Variants in PCDH17 observed in about 807,000 individuals in gnomAD.
PCDH17 encodes protocadherin 17.
A neutral mutation model predicts 67.7 loss-of-function variants in PCDH17; 21 were observed. The ratio of observed to expected loss-of-function variants is 0.31; its 90% CI spans 0.22 to 0.45. The LOEUF (loss-of-function observed/expected upper bound fraction) is 0.45, where lower values mean the gene tolerates loss of function less well. Ranked by LOEUF, PCDH17 falls within the 20% of genes least tolerant of loss-of-function variation. The pLI is 1.00. For synonymous variants in PCDH17, 701 were observed against 656.7 expected, an observed-to-expected ratio of 1.07 and a Z score of -1.03; for missense variants, 1,471 against 1,564.8, an observed-to-expected ratio of 0.94 and a Z score of 1.01.
intron 1 of PCDH17, among the ~76,000 whole-genome samples, chr13:57,643,891 C>G (rs1049185198): frequency 2.6e-5 from 4 of 151,592 alleles, no homozygotes; most frequent in Non-Finnish European, 5.9e-5. Flanking sequence ...AAATTCCTGA[C>G]TTAAAGAAGT....
At chr13:57,666,231 T>C (rs1276103103) in intron 1 of PCDH17, among the ~76,000 whole-genome samples, 1 of 152,208 alleles carries the variant, frequency 6.6e-6, no homozygotes, top group Non-Finnish European at 1.5e-5. Flanking sequence ...TAAAAGAGAA[T>C]GCCAGTTATG....
Position 57,633,392 on chromosome 13 carries a change from C to G in PCDH17, c.846C>G (p.Phe282Leu). 5.6e-6 allele frequency: 9 copies of G among 1,613,364 alleles called. No homozygotes were observed. Among genetic ancestry groups the G allele is most frequent in the Middle Eastern group, 1.6e-4 (1 of 6,062 alleles). Residue 282 changes from phenylalanine (F) to leucine (L), a missense_variant, in exon 1 of 4, where the codon TTC becomes TTG. Coordinates refer to ENST00000377918, the MANE Select transcript of PCDH17 (RefSeq NM_001040429.3). The surrounding 1 kb of genome is among the most constrained non-coding windows in gnomAD (Gnocchi z 6.2). ...CCAATGGTGAAGTGCTCTACTCTTT[C>G]AGCAGCTACGTGCCTGACCGCGTGC... ...EGPNGEVLYSFSSYVPDRVRE... is the reference protein window; with the variant it reads ...EGPNGEVLYSLSSYVPDRVRE...
rs532447627 is a variant in PCDH17 at position 57,652,624 on chromosome 13, A to G, written c.2566-13844A>G. On this transcript the variant is annotated intron_variant, in intron 1 of 3. Coordinates refer to ENST00000377918, the MANE Select transcript of PCDH17 (RefSeq NM_001040429.3). ...AAATGAAGAGAAGTTTCTACAAAAG[A>G]ACTGTTGTAGGATAGTGAATATTAG... Among the ~76,000 whole-genome samples the G allele has an allele frequency of 5.3e-5, 8 of 152,324 alleles. No homozygotes were observed. In the South Asian group the frequency reaches 1.2e-3, roughly 24 times the overall value.
At chr13:57,699,349 A>G (rs1301888218) in intron 3 of PCDH17, among the ~76,000 whole-genome samples, 2 of 152,066 alleles carry the variant, frequency 1.3e-5, no homozygotes, top group Non-Finnish European at 2.9e-5. Flanking sequence ...CTAAGAAACT[A>G]TTCTCCCAGC....
chr13:57,640,331 T>C (rs1954875481), intron 1 of PCDH17, among the ~76,000 whole-genome samples: 2 of 152,026 alleles, frequency 1.3e-5, no homozygotes, highest in African/African-American at 4.8e-5. Context: ...CAGTGAAATT[T>C]GGCTATGCCT....
chr13:57,698,176 A>T (rs1222572444), intron 3 of PCDH17, among the ~76,000 whole-genome samples: 2 of 151,522 alleles, frequency 1.3e-5, no homozygotes, highest in South Asian at 4.1e-4. Context: ...GATTAAATTG[A>T]TTCATTTATA....
intron 3 of PCDH17, among the ~76,000 whole-genome samples, chr13:57,688,098 T>A (rs538128686): frequency 3.9e-5 from 6 of 152,080 alleles, no homozygotes; most frequent in African/African-American, 1.2e-4. Flanking sequence ...CCATTTTTTT[T>A]AAAACCTTTA....
rs1191547428 is a variant in PCDH17 at position 57,634,334 on chromosome 13, G to C, written c.1788G>C (p.Gln596His). The C allele has an allele frequency of 1.2e-6, 2 of 1,612,754 alleles. No individual in the cohort carries two copies. Among genetic ancestry groups the C allele is most frequent in the African/African-American group, 2.7e-5 (2 of 74,940 alleles). ...TGCAGAACGACACCGCGGAGCTGCA[G>C]GTGCCGCGCAACGCTGGCCTGGGCT... ...PTLQNDTAEL[Q>H]VPRNAGLGYL... Residue 596 changes from glutamine to histidine, a missense_variant, in exon 1 of 4, where the codon CAG becomes CAC. Transcript: ENST00000377918. This position sits in a 1 kb window ranked among gnomAD's most constrained non-coding sequence, Gnocchi z 7.8.
chr13:57,634,920 G>T lies in PCDH17; in HGVS notation c.2374G>T (p.Ala792Ser), dbSNP rs759243622. ...GAACGTGGTGAGCAGCCCCTCCCTG[G>T]CCACCTCCCCCATGTACTTCGACTA... ...VMNVVSSPSL[A>S]TSPMYFDYQT... The change falls in exon 1 of 4, where the codon GCC becomes TCC. Residue 792 changes from alanine (A) to serine (S), a missense_variant. Around this residue, in one of 3 missense-constraint regions of PCDH17, gnomAD observed 1,163 missense variants for 1,230.0 expected, o/e 0.95. Coordinates refer to ENST00000377918, the MANE Select transcript of PCDH17 (RefSeq NM_001040429.3). This position sits in a 1 kb window ranked among gnomAD's most constrained non-coding sequence, Gnocchi z 7.8. 32 of 1,613,624 alleles carry T rather than the reference G, an allele frequency of 2.0e-5. No homozygotes were observed. In the East Asian group the frequency reaches 7.1e-4, roughly 36 times the overall value.
Position 57,725,047 on chromosome 13 carries a change from A to G in PCDH17, c.3233A>G (p.Tyr1078Cys). 1 of 1,613,966 alleles carries G rather than the reference A, an allele frequency of 6.2e-7. No homozygotes were observed. The highest frequency in any genetic ancestry group is 1.1e-5 in the South Asian group (1 of 91,082). The change falls in exon 4 of 4, where the codon TAT (tyrosine) becomes TGT (cysteine). Residue 1078 changes from tyrosine to cysteine, a missense_variant. Physicochemically the swap from Tyr to Cys is radical, Grantham distance 194. Transcript: ENST00000377918. ...CAGTACTTGCCCACTGACAGTCAAT[A>G]TCTGTCACCTAGTAAGCAACCAAGA... ...SSQYLPTDSQ[Y>C]LSPSKQPRDP... is the part of the protein sequence containing the mutation.
chr13:57,720,023 T>C (rs1955859600), intron 3 of PCDH17, among the ~76,000 whole-genome samples: 1 of 152,042 alleles, frequency 6.6e-6, no homozygotes, highest in Admixed American at 6.6e-5. Context: ...TGGGAGACTA[T>C]TAAAACCCAA....
upstream of PCDH17, among the ~76,000 whole-genome samples, chr13:57,630,281 T>C (rs552335872): frequency 2.0e-5 from 3 of 151,996 alleles, no homozygotes; most frequent in South Asian, 4.2e-4. Context: ...TCCGCATATC[T>C]TTCTCAGACT....
intron 3 of PCDH17, among the ~76,000 whole-genome samples, chr13:57,691,956 G>A (rs1955563298): frequency 2.0e-5 from 3 of 151,034 alleles, no homozygotes; most frequent in Non-Finnish European, 4.5e-5. Context: ...AATTATACTA[G>A]AGCTTATTAA....
Position 57,727,977 on chromosome 13 carries a change from G to A in PCDH17, c.*2683G>A, listed in dbSNP as rs4379958. On this transcript the variant is annotated 3_prime_UTR_variant, in exon 4 of 4. Transcript: ENST00000377918. ...TCTGAGGACATTAAAACACCATAAG[G>A]TTGTAATAATTGGTTGTGCCAATGT... is the stretch of plus-strand genomic sequence containing the variant. 143,065 of 152,662 alleles carry A rather than the reference G, an allele frequency of 0.94. 67,183 individuals carry two copies. Among genetic ancestry groups the A allele is most frequent in the East Asian group, 1 (5,175 of 5,178 alleles). The allele number at this position is 152,662 out of a possible 1,614,324, so 9.5% of individuals were successfully genotyped here.
chr13:57,642,701 G>A (rs1009984262), intron 1 of PCDH17, among the ~76,000 whole-genome samples: 1 of 151,126 alleles, frequency 6.6e-6, no homozygotes, highest in African/African-American at 2.4e-5. Context: ...AATTTTCATG[G>A]TCTCCAATTC....
chr13:57,689,800 G>T (rs1283656793), intron 3 of PCDH17, among the ~76,000 whole-genome samples: 1 of 151,832 alleles, frequency 6.6e-6, no homozygotes, highest in East Asian at 1.9e-4. Flanking sequence ...AACTGTGGTT[G>T]AAGAATTCTT....
intron 3 of PCDH17, among the ~76,000 whole-genome samples, chr13:57,669,123 G>C (rs1305750000): frequency 6.6e-6 from 1 of 151,966 alleles, no homozygotes; most frequent in Non-Finnish European, 1.5e-5. Context: ...AGTTTGCTGA[G>C]AATGATGGTT....
chr13:57,660,669 A>C (rs1310478722), intron 1 of PCDH17, among the ~76,000 whole-genome samples: 1 of 152,134 alleles, frequency 6.6e-6, no homozygotes, highest in Non-Finnish European at 1.5e-5. Flanking sequence ...TCCTTATGCT[A>C]TCTCTCTCTA....
intron 3 of PCDH17, among the ~76,000 whole-genome samples, chr13:57,722,905 G>A (rs1955883168): frequency 6.6e-6 from 1 of 151,984 alleles, no homozygotes; most frequent in African/African-American, 2.4e-5. Context: ...CACTATACCT[G>A]GCCAATATTG....
Sources: gnomAD v4.1 joint callset for allele counts (sites outside exome capture counted in the v4.1 genomes callset) on GRCh38, gnomAD v4.1.1 for gene constraint, gnomAD v4.1.1 regional missense constraint, Gnocchi (gnomAD v3.1) non-coding constraint, MANE v1.5 for transcripts, NCBI Gene and HGNC (gene_info 2026-07-23, HGNC 2026-07-21) for gene names.